Variants in COA1 observed in about 807,000 individuals in gnomAD.
COA1 encodes the protein cytochrome c oxidase assembly factor 1 homolog.
In COA1, 13 loss-of-function variants were observed where a neutral mutation model predicts 16.0. The observed-to-expected ratio is 0.81, with a 90% confidence interval of 0.53 to 1.29. COA1 has a LOEUF of 1.29. COA1 is among the 50% of genes most tolerant of loss of function. The pLI is 0.00. For missense variants in COA1, 179 were observed against 177.0 expected, an observed-to-expected ratio of 1.01 and a Z score of -0.06; for synonymous variants, 65 against 65.7, an observed-to-expected ratio of 0.99 and a Z score of 0.05.
intron 6 of COA1, chr7:43,625,208 T>G (rs2084375142): frequency 5.6e-6 from 1 of 177,270 alleles, no homozygotes; most frequent in African/African-American, 2.4e-5. Context: ...TCTTGCATTA[T>G]TCATATGTGT....
intron 6 of COA1, chr7:43,632,826 G>T (rs529439559): frequency 6.6e-6 from 1 of 152,186 alleles, no homozygotes; most frequent in African/African-American, 2.4e-5. Flanking sequence ...TGGGATTACC[G>T]GTGTGAGCCA....
intron 1 of COA1, among the ~76,000 whole-genome samples, chr7:43,710,825 T>C (rs1186054040): frequency 1.3e-5 from 2 of 152,184 alleles, no homozygotes; most frequent in Non-Finnish European, 2.9e-5. Context: ...AGTGCTGGTA[T>C]CTGTGATATT....
intron 1 of COA1, among the ~76,000 whole-genome samples, chr7:43,702,920 A>G (rs2094808753): frequency 6.6e-6 from 1 of 151,952 alleles, no homozygotes; most frequent in African/African-American, 2.4e-5. Flanking sequence ...GTTTTTCTAG[A>G]GTTCCTCTAG....
At chr7:43,704,389 G>A (rs762601138) in intron 1 of COA1, among the ~76,000 whole-genome samples, 12 of 152,120 alleles carry the variant, frequency 7.9e-5, no homozygotes, top group Admixed American at 4.6e-4. Flanking sequence ...AAATTTTCAC[G>A]GAAGATATCC....
intron 1 of COA1, among the ~76,000 whole-genome samples, chr7:43,701,144 T>C (rs890568536): frequency 6.6e-6 from 1 of 152,022 alleles, no homozygotes; most frequent in African/African-American, 2.4e-5. Flanking sequence ...TATGTGCAGA[T>C]TTTTTACATG....
intron 1 of COA1, among the ~76,000 whole-genome samples, chr7:43,699,553 C>T (rs2094638717): frequency 6.6e-6 from 1 of 152,118 alleles, no homozygotes; most frequent in South Asian, 2.1e-4. Flanking sequence ...ACTTGACTCT[C>T]TAACACAGAC....
At chr7:43,672,773 CAA>C (rs34219718) in intron 1 of COA1, among the ~76,000 whole-genome samples, 29 of 100,732 alleles carry the variant, frequency 2.9e-4, no homozygotes, top group Admixed American at 4.2e-4. Flanking sequence ...CATCTCAAAC[CAA>C]AAAAAAAAAA....
intron 1 of COA1, among the ~76,000 whole-genome samples, chr7:43,696,302 G>A (rs73108682): frequency 0.11 from 16,957 of 152,208 alleles, 1,064 homozygotes; most frequent in Admixed American, 0.19. Context: ...ACACTATCAC[G>A]AGAACAGTAT....
At chr7:43,655,201 C>T (rs963685253) in intron 1 of COA1, among the ~76,000 whole-genome samples, 1 of 152,160 alleles carries the variant, frequency 6.6e-6, no homozygotes. Context: ...TGGAATCTCA[C>T]TATGGTGCCC....
chr7:43,658,416 T>C (rs1458371592), intron 1 of COA1, among the ~76,000 whole-genome samples: 1 of 152,154 alleles, frequency 6.6e-6, no homozygotes, highest in Non-Finnish European at 1.5e-5. Context: ...AAATGTCATC[T>C]GAGAACAAAT....
intron 1 of COA1, among the ~76,000 whole-genome samples, chr7:43,689,754 G>A (rs890963504): frequency 6.6e-6 from 1 of 152,202 alleles, no homozygotes; most frequent in Non-Finnish European, 1.5e-5. Flanking sequence ...GGGACAGGGG[G>A]TTAGAATGGA....
chr7:43,714,837 G>A (rs764555912), intron 1 of COA1, among the ~76,000 whole-genome samples: 2 of 151,124 alleles, frequency 1.3e-5, no homozygotes, highest in Non-Finnish European at 2.9e-5. Context: ...GTGAAATCTC[G>A]TCTACTAAAA....
chr7:43,646,350 T>TA, intron 3 of COA1: 1 of 344,168 alleles, frequency 2.9e-6, no homozygotes, highest in Non-Finnish European at 5.9e-6. Context: ...CTGTTCTCAA[T>TA]ATTCCACACA....
intron 1 of COA1, among the ~76,000 whole-genome samples, chr7:43,674,464 C>T (rs192273118): frequency 1.6e-3 from 247 of 152,312 alleles, no homozygotes; most frequent in African/African-American, 5.8e-3. Context: ...AAGCTTACTT[C>T]TTTCTTGCTC....
At chr7:43,727,707 G>C (rs1261180124) in intron 1 of COA1, among the ~76,000 whole-genome samples, 1 of 152,208 alleles carries the variant, frequency 6.6e-6, no homozygotes, top group Non-Finnish European at 1.5e-5. Context: ...ATGGGGAGTG[G>C]GGATGGGGAA....
chr7:43,710,348 C>CAAAA lies in COA1; in HGVS notation c.-39+19077_-39+19080dup, dbSNP rs1165121530. 6.7e-4 allele frequency among the ~76,000 whole-genome samples: 35 copies of CAAAA among 52,440 alleles called. 4 individuals carry two copies. The highest frequency in any genetic ancestry group is 8.8e-4 in the Non-Finnish European group (25 of 28,550). The allele number at this position is 52,440 out of a possible 152,430, so 34.4% of individuals were successfully genotyped here. ...TGGGTGAAAGAGCAAGACTCTGTCT[C>CAAAA]AAAAAAAAAAAAAAAAAAAAAAAAA... On this transcript the variant is annotated intron_variant, in intron 1 of 5. Coordinates refer to ENST00000223336, the MANE Select transcript of COA1 (RefSeq NM_018224.4).
At chr7:43,663,191 A>G (rs886562217) in intron 1 of COA1, among the ~76,000 whole-genome samples, 1 of 152,138 alleles carries the variant, frequency 6.6e-6, no homozygotes, top group Non-Finnish European at 1.5e-5. Context: ...TTGCCATATG[A>G]TGTACCTGGT....
chr7:43,712,003 A>C (rs2095264551), intron 1 of COA1, among the ~76,000 whole-genome samples: 1 of 152,168 alleles, frequency 6.6e-6, no homozygotes, highest in African/African-American at 2.4e-5. Flanking sequence ...CAAGACATTA[A>C]GACACCCTGA....
At chr7:43,656,660 C>T (rs1283644997) in intron 1 of COA1, among the ~76,000 whole-genome samples, 1 of 152,192 alleles carries the variant, frequency 6.6e-6, no homozygotes, top group Non-Finnish European at 1.5e-5. Context: ...CGTGCTGCTG[C>T]ACTCCAGCAT....
Sources: allele counts gnomAD v4.1 joint callset (sites outside exome capture counted in the v4.1 genomes callset), GRCh38; gene constraint gnomAD v4.1.1; transcripts MANE v1.5; gene names NCBI Gene and HGNC (gene_info 2026-07-23, HGNC 2026-07-21).